Variants in DCAF4 observed in about 807,000 individuals in gnomAD.
DCAF4 encodes DDB1- and CUL4-associated factor 4.
Under a neutral mutation model 60.9 loss-of-function variants are expected in DCAF4, and 37 were observed. The ratio of observed to expected loss-of-function variants is 0.61; its 90% CI spans 0.47 to 0.80. DCAF4 has a LOEUF of 0.80. DCAF4 is among the 30% of genes least tolerant of loss of function. DCAF4 has a pLI of 0.00. For missense variants in DCAF4, 577 were observed against 650.0 expected (o/e 0.89, Z 1.22); for synonymous variants, 243 against 254.8 (o/e 0.95, Z 0.44).
chr14:72,948,584 C>G (rs1355571498), intron 8 of DCAF4, among the ~76,000 whole-genome samples: 2 of 152,098 alleles, frequency 1.3e-5, no homozygotes, highest in African/African-American at 4.8e-5. Context: ...CATTTCCAGT[C>G]TTAAAACAGC....
rs770806933 is a variant in DCAF4, at chr14:72,940,295, C to G, written c.269C>G (p.Pro90Arg). The change falls in exon 4 of 14, where the codon CCC (proline) becomes CGC (arginine). Residue 90 changes from proline (P) to arginine (R), a missense_variant. Physicochemically the swap from Pro to Arg is moderately radical, Grantham distance 103. Coordinates refer to ENST00000358377, the MANE Select transcript of DCAF4 (RefSeq NM_015604.4). The part of the protein sequence containing the change: ...RLLPGHNNCN[P>R]LTKESIRQKE... ...CTCCCTGGACATAACAACTGCAACC[C>G]CCTGACGAAAGAGAGCATCCGGCAG... The G allele has an allele frequency of 3.8e-5, 62 of 1,614,120 alleles. No homozygotes were observed. The South Asian group carries it at 6.7e-4, about 17-fold the overall frequency.
intron 13 of DCAF4, 179 bp downstream of exon 13, chr14:72,956,679 G>T (rs532390275): frequency 1.7e-6 from 1 of 576,476 alleles, no homozygotes; most frequent in South Asian, 1.9e-5. Flanking sequence ...TAGTAATCAG[G>T]AGTGTAAATA....
chr14:72,949,629 C>T (rs1021872217), intron 8 of DCAF4, among the ~76,000 whole-genome samples: 1 of 152,076 alleles, frequency 6.6e-6, no homozygotes, highest in Non-Finnish European at 1.5e-5. Context: ...GTGGCACGCA[C>T]CCGTAATCCC....
At position 72,958,821 on chromosome 14, in the gene DCAF4, C is replaced by G; in HGVS notation, c.*16C>G. 6.5e-7 allele frequency: 1 copy of G among 1,528,090 alleles called. No individual in the cohort carries two copies. The allele number at this position is 1,528,090 out of a possible 1,614,324, so 94.7% of individuals were successfully genotyped here. On this transcript the variant is annotated 3_prime_UTR_variant, in exon 14 of 14. Coordinates refer to ENST00000358377, the MANE Select transcript of DCAF4 (RefSeq NM_015604.4). Reference sequence around the variant, plus strand: ...CTACAGCTAATTCTGCAGGGCACAGCCCAGAGCCATGTGGATTTGACTTAC... The same window carrying G: ...CTACAGCTAATTCTGCAGGGCACAGGCCAGAGCCATGTGGATTTGACTTAC...
intron 2 of DCAF4, 40 bp downstream of exon 2, chr14:72,938,110 G>A (rs1375403807): frequency 6.4e-7 from 1 of 1,567,780 alleles, no homozygotes; most frequent in South Asian, 1.2e-5. Context: ...TGCCCAGTGT[G>A]CTTCTGGCAT....
At chr14:72,952,778 T>C (rs572323637) in intron 9 of DCAF4, among the ~76,000 whole-genome samples, 120 of 131,226 alleles carry the variant, frequency 9.1e-4, no homozygotes, top group Admixed American at 1.9e-3. Context: ...CACCACAACC[T>C]CCGCCTCCCA....
chr14:72,939,880 A>G lies in DCAF4; in HGVS notation c.171A>G (p.Thr57=). ...AGTCTCCGTCAACCTCGTCTGGCAC[A>G]GCTGGGACCTCCTCTGTGCCAGGTA... ...DDESPSTSSG[T]AGTSSVPELP... The change falls in exon 3 of 14, where the codon ACA becomes ACG. Residue 57 remains threonine (T), a synonymous_variant. Coordinates refer to ENST00000358377, the MANE Select transcript of DCAF4 (RefSeq NM_015604.4). 1.9e-6 allele frequency: 3 copies of G among 1,610,684 alleles called. No homozygotes were observed. The highest frequency in any genetic ancestry group is 1.7e-6 in the Non-Finnish European group (2 of 1,178,560).
At chr14:72,934,974 T>C (rs1385774877) in intron 1 of DCAF4, 2 of 152,216 alleles carry the variant, frequency 1.3e-5, no homozygotes, top group Non-Finnish European at 2.9e-5. Flanking sequence ...AACTAGGTCA[T>C]GGATGCTAGG....
At chr14:72,943,180 T>C in intron 6 of DCAF4, 84 bp downstream of exon 6, 1 of 1,306,642 alleles carries the variant, frequency 7.7e-7, no homozygotes, top group South Asian at 1.3e-5. Flanking sequence ...TCATCAAACC[T>C]GGCTCTGGAG....
chr14:72,940,485 G>A, intron 4 of DCAF4, 108 bp downstream of exon 4: 1 of 1,180,162 alleles, frequency 8.5e-7, no homozygotes, highest in Non-Finnish European at 1.1e-6. Flanking sequence ...CTTAGCAGAG[G>A]CACTTCAGGG....
At chr14:72,928,187 C>CTTTTTTTTTTTCTTTTT (rs1887909429) in intron 1 of DCAF4, among the ~76,000 whole-genome samples, 1 of 67,256 alleles carries the variant, frequency 1.5e-5, no homozygotes, top group South Asian at 6.3e-4. Flanking sequence ...AATCCCCCCA[C>CTTTTTTTTTTTCTTTTT]TTTTTTTTTT....
chr14:72,955,705 T>C lies in DCAF4; in HGVS notation c.1179+9T>C, dbSNP rs184470973. 3.1e-5 allele frequency: 50 copies of C among 1,609,386 alleles called. No individual in the cohort carries two copies. The highest frequency in any genetic ancestry group is 5.0e-5 in the Admixed American group (3 of 59,768). On this transcript the variant is annotated intron_variant, in intron 12 of 13. Coordinates refer to ENST00000358377, the MANE Select transcript of DCAF4 (RefSeq NM_015604.4). ...CAGACATGGCTGGAAAGGTAGGGGATCATGGACTTTCTCAGGCCACAGGGT... is the reference window on the plus strand; with the variant it reads ...CAGACATGGCTGGAAAGGTAGGGGACCATGGACTTTCTCAGGCCACAGGGT...
intron 9 of DCAF4, 81 bp from the exon 10 acceptor site, chr14:72,954,083 A>T: frequency 6.9e-7 from 1 of 1,444,298 alleles, no homozygotes; most frequent in African/African-American, 1.4e-5. Context: ...CTATGGGCAT[A>T]TTTGGATGTT....
intron 4 of DCAF4, chr14:72,940,587 A>G (rs1555524393): frequency 5.9e-6 from 2 of 337,424 alleles, no homozygotes; most frequent in Non-Finnish European, 1.0e-5. Flanking sequence ...TTGTTCGATA[A>G]GTTGTTTTTT....
At chr14:72,948,681 C>T (rs911501826) in intron 8 of DCAF4, among the ~76,000 whole-genome samples, 2 of 152,214 alleles carry the variant, frequency 1.3e-5, no homozygotes, top group African/African-American at 4.8e-5. Flanking sequence ...GTTGTAGCTT[C>T]ATCAGTGGCT....
chr14:72,928,455 A>G (rs373882499), intron 1 of DCAF4, among the ~76,000 whole-genome samples: 2 of 150,170 alleles, frequency 1.3e-5, no homozygotes, highest in East Asian at 3.9e-4. Context: ...TCGGCCTCCC[A>G]AAGTGCTGGG....
At chr14:72,930,575 A>T (rs557249378) in intron 1 of DCAF4, among the ~76,000 whole-genome samples, 1 of 152,240 alleles carries the variant, frequency 6.6e-6, no homozygotes, top group Non-Finnish European at 1.5e-5. Context: ...GGCCCTAAAT[A>T]ATGTCTTTCG....
rs1892711377 is a variant in DCAF4, at chr14:72,959,594, A to T, written c.*789A>T. ...AGGAGCGACAGTTCGTGAGATGTTT[A>T]TTCAGTGTTAAAGAGCCTGTTTTTC... On this transcript the variant is annotated 3_prime_UTR_variant, in exon 14 of 14. Transcript: ENST00000358377. 2 of 985,370 alleles carry T rather than the reference A, an allele frequency of 2.0e-6. No homozygotes were observed. The highest frequency in any genetic ancestry group is 1.2e-4 in the Admixed American group (2 of 16,260). The allele number at this position is 985,370 out of a possible 1,614,324, so 61.0% of individuals were successfully genotyped here.
chr14:72,954,503 G>T lies in DCAF4; in HGVS notation c.1005+20G>T. The T allele has an allele frequency of 1.9e-6, 3 of 1,612,808 alleles. No homozygotes were observed. Among genetic ancestry groups the T allele is most frequent in the Non-Finnish European group, 2.5e-6 (3 of 1,178,864 alleles). The stretch of plus-strand genomic sequence containing the variant: ...CTCATGGTTGGTTGGATTGGGACAG[G>T]CAGAATATAAAAGTTTGCCCCATGT... On this transcript the variant is annotated intron_variant, in intron 11 of 13. Transcript: ENST00000358377.
Sources: allele counts gnomAD v4.1 joint callset (sites outside exome capture counted in the v4.1 genomes callset), GRCh38; gene constraint gnomAD v4.1.1; transcripts MANE v1.5; gene names NCBI Gene and HGNC (gene_info 2026-07-23, HGNC 2026-07-21).